SP6: variants seen among roughly 807,000 people sequenced by gnomAD.
SP6 encodes Sp6 transcription factor.
In SP6, 10 loss-of-function variants were observed where a neutral mutation model predicts 23.4. That is an observed-to-expected ratio of 0.43 (90% CI 0.26 to 0.72). SP6 has a LOEUF of 0.72. Ranked by LOEUF, SP6 falls within the 30% of genes least tolerant of loss-of-function variation. SP6 has a pLI of 0.23. For synonymous variants in SP6, 238 were observed against 238.7 expected, an observed-to-expected ratio of 1.00 and a Z score of 0.03; for missense variants, 482 against 523.8, an observed-to-expected ratio of 0.92 and a Z score of 0.78.
At chr17:47,859,010 G>A (rs1225495206), upstream of SP6, among the ~76,000 whole-genome samples, 1 of 151,902 alleles carries the variant, frequency 6.6e-6, no homozygotes, top group Non-Finnish European at 1.5e-5. Context: ...CCTGGCCTCA[G>A]GTGATCCACC....
chr17:47,858,778 T>TTTC (rs1295456394), upstream of SP6, among the ~76,000 whole-genome samples: 1 of 137,500 alleles, frequency 7.3e-6, no homozygotes. Flanking sequence ...TTTTTTTTTT[T>TTTC]TTTTTTTTTT....
At position 47,847,776 on chromosome 17, in the gene SP6, C is replaced by G. The variant is rs369726946; in HGVS notation, c.654G>C (p.Ser218=). Residue 218 remains serine (S), a synonymous_variant, in exon 2 of 2, where the codon TCG becomes TCC. Coordinates refer to ENST00000536300, the MANE Select transcript of SP6 (RefSeq NM_001258248.2). ...CGGTCTGGCCTGAGCTGCGGGGCAC[C>G]GACCGCCGGGAGCCTTTGGGACGCG... is the stretch of plus-strand genomic sequence containing the variant. The part of the protein sequence containing the change: ...GAARPKGSRR[S]VPRSSGQTVC... The G allele has an allele frequency of 1.3e-6, 2 of 1,549,948 alleles. No individual in the cohort carries two copies. Among genetic ancestry groups the G allele is most frequent in the Admixed American group, 3.9e-5 (2 of 51,806 alleles).
At chr17:47,855,755 A>G, upstream of SP6, 1 of 152,540 alleles carries the variant, frequency 6.6e-6, no homozygotes, top group Non-Finnish European at 1.5e-5. Context: ...CCAAAGGGGG[A>G]GGTGAAGGAG....
the SP6 span, among the ~76,000 whole-genome samples, chr17:47,870,622 T>C: frequency 4.0e-5 from 6 of 151,856 alleles, no homozygotes; most frequent in Non-Finnish European, 8.8e-5. Flanking sequence ...GTTTACGGGG[T>C]CCTAAGCTTG....
chr17:47,851,771 C>T (rs76137016), upstream of SP6, among the ~76,000 whole-genome samples: 430 of 150,222 alleles, frequency 2.9e-3, no homozygotes, highest in South Asian at 5.7e-3. Context: ...TCTCCACCAC[C>T]ACCCTTCCCC....
In SP6 at chr17:47,847,585, C is replaced by T. The variant is rs2033901830; in HGVS notation, c.845G>A (p.Arg282His). The change falls in exon 2 of 2, where the codon CGT becomes CAT. Residue 282 changes from arginine (R) to histidine (H), a missense_variant. By Grantham distance (29) the Arg-to-His change is conservative. Coordinates refer to ENST00000536300, the MANE Select transcript of SP6 (RefSeq NM_001258248.2). The part of the protein sequence containing the change: ...KAHLRWHSGD[R>H]PFVCNWLFCG... ...GAAGAGCCAGTTGCACACGAAGGGA[C>T]GGTCGCCGCTGTGCCAGCGCAGGTG... 6.2e-7 allele frequency: 1 copy of T among 1,613,550 alleles called. No individual in the cohort carries two copies. The highest frequency in any genetic ancestry group is 1.7e-5 in the Admixed American group (1 of 60,002).
At position 47,846,410 on chromosome 17, in the gene SP6, A is replaced by C. The variant is rs938758579; in HGVS notation, c.*889T>G. The C allele has an allele frequency of 6.6e-6, 1 of 152,226 alleles. No homozygotes were observed. The highest frequency in any genetic ancestry group is 2.4e-5 in the African/African-American group (1 of 41,438). The allele number at this position is 152,226 out of a possible 1,614,324, so 9.4% of individuals were successfully genotyped here. A position where few individuals can be genotyped will look rare whatever the true frequency, so the allele number is the denominator to read the frequency against. ...TTCTACCGCTGGCTGCCTTGAAAAC[A>C]CACCTAGGGTAATAGATGGGGAATG... On this transcript the variant is annotated 3_prime_UTR_variant, in exon 2 of 2. Coordinates refer to ENST00000536300, the MANE Select transcript of SP6 (RefSeq NM_001258248.2).
intron 1 of SP6, among the ~76,000 whole-genome samples, chr17:47,849,430 GT>G (rs2143652258): frequency 6.6e-6 from 1 of 152,312 alleles, no homozygotes; most frequent in South Asian, 2.1e-4. Context: ...AACAAGAGAA[GT>G]CATAACCACA....
At chr17:47,851,730 C>T (rs2033958776), upstream of SP6, among the ~76,000 whole-genome samples, 1 of 149,238 alleles carries the variant, frequency 6.7e-6, no homozygotes, top group Non-Finnish European at 1.5e-5. Flanking sequence ...GTCCCCTGCC[C>T]TGCCTCACCC....
At position 47,847,920 on chromosome 17, in the gene SP6, C is replaced by G; in HGVS notation, c.510G>C (p.Ala170=). Residue 170 remains alanine, a synonymous_variant, in exon 2 of 2, where the codon GCG becomes GCC. Transcript: ENST00000536300. The part of the protein sequence containing the change: ...QLCAPPPHPH[A]HHLLPAAGGQ... ...CTCCGGCAGCTGGAAGGAGGTGGTG[C>G]GCATGCGGGTGGGGTGGCGGGGCAC... 6.4e-7 allele frequency: 1 copy of G among 1,565,894 alleles called. No homozygotes were observed. The highest frequency in any genetic ancestry group is 8.7e-7 in the Non-Finnish European group (1 of 1,155,388).
upstream of SP6, among the ~76,000 whole-genome samples, chr17:47,854,747 C>T (rs2033986072): frequency 6.6e-6 from 1 of 152,196 alleles, no homozygotes; most frequent in East Asian, 1.9e-4. Flanking sequence ...CTCGTCCAAG[C>T]CCTCGTTTTA....
At chr17:47,850,237 G>T (rs1264555957) in intron 1 of SP6, among the ~76,000 whole-genome samples, 1 of 152,180 alleles carries the variant, frequency 6.6e-6, no homozygotes, top group Admixed American at 6.5e-5. Context: ...GAGCTGGAGA[G>T]CCCAGGCCTG....
chr17:47,871,095 C>T, the SP6 span, among the ~76,000 whole-genome samples: 1 of 152,168 alleles, frequency 6.6e-6, no homozygotes, highest in East Asian at 1.9e-4. Context: ...TCATAAGCAC[C>T]CAGAACAGTG....
the SP6 span, among the ~76,000 whole-genome samples, chr17:47,863,691 C>T: frequency 6.6e-5 from 10 of 151,348 alleles, no homozygotes; most frequent in African/African-American, 2.4e-4. Context: ...GCCTCAGCCT[C>T]CCAAGTAGCT....
chr17:47,846,054 C>T lies in SP6; in HGVS notation c.*1245G>A, dbSNP rs2033881956. 1 of 152,218 alleles carries T rather than the reference C, an allele frequency of 6.6e-6. No individual in the cohort carries two copies. Among genetic ancestry groups the T allele is most frequent in the Admixed American group, 6.5e-5 (1 of 15,284 alleles). 9.4% of individuals were successfully genotyped at this position (152,218 alleles called of 1,614,324 possible). A position where few individuals can be genotyped will look rare whatever the true frequency, so the allele number is the denominator to read the frequency against. On this transcript the variant is annotated 3_prime_UTR_variant, in exon 2 of 2. Coordinates refer to ENST00000536300, the MANE Select transcript of SP6 (RefSeq NM_001258248.2). ...AGGAGAAGGGAATGGGGACAGCTTC[C>T]TGGATGTCACCTCAGAAGGCAGAAC...
At chr17:47,859,450 T>C (rs188005010), upstream of SP6, among the ~76,000 whole-genome samples, 338 of 152,362 alleles carry the variant, frequency 2.2e-3, no homozygotes, top group African/African-American at 7.8e-3. Context: ...TCTGCTTCCA[T>C]GGGCTTGTTT....
In SP6 at chr17:47,849,296, G is replaced by C. The variant is rs371254159; in HGVS notation, c.-57-810C>G. On this transcript the variant is annotated intron_variant, in intron 1 of 1. Coordinates refer to ENST00000536300, the MANE Select transcript of SP6 (RefSeq NM_001258248.2). ...CTACCCATCTTCCTCTCCATGCTAG[G>C]GGAGGCCCAGATAGAAAGTTGGGAG... 1.4e-4 allele frequency among the ~76,000 whole-genome samples: 21 copies of C among 152,292 alleles called. 1 individual carries two copies. The South Asian group carries it at 4.4e-3, about 32-fold the overall frequency.
chr17:47,848,075 A>G lies in SP6; in HGVS notation c.355T>C (p.Ser119Pro), dbSNP rs777348359. The change falls in exon 2 of 2, where the codon TCG becomes CCG. Residue 119 changes from serine (S) to proline (P), a missense_variant. Transcript: ENST00000536300. The surrounding 1 kb of genome is among the most constrained non-coding windows in gnomAD (Gnocchi z 5.3). ...RPTHPGAEDG[S>P]WWDLHPGTSW... Reference sequence around the variant, plus strand: ...GTGCCCGGATGAAGGTCCCACCACGAGCCATCCTCCGCGCCTGGGTGAGTC... The same window carrying G: ...GTGCCCGGATGAAGGTCCCACCACGGGCCATCCTCCGCGCCTGGGTGAGTC... 6.2e-7 allele frequency: 1 copy of G among 1,613,344 alleles called. No individual in the cohort carries two copies. The highest frequency in any genetic ancestry group is 1.7e-5 in the Admixed American group (1 of 60,004).
intron 1 of SP6, among the ~76,000 whole-genome samples, chr17:47,850,441 C>A (rs1479278729): frequency 6.6e-6 from 1 of 152,024 alleles, no homozygotes; most frequent in Non-Finnish European, 1.5e-5. Context: ...AGGTGGCAAC[C>A]CTTAGGTTGC....
Sources: gnomAD v4.1 joint callset for allele counts (sites outside exome capture counted in the v4.1 genomes callset) on GRCh38, gnomAD v4.1.1 for gene constraint, Gnocchi (gnomAD v3.1) non-coding constraint, MANE v1.5 for transcripts, NCBI Gene and HGNC (gene_info 2026-07-23, HGNC 2026-07-21) for gene names.